TAFA4: variants seen among roughly 807,000 people sequenced by gnomAD.
TAFA4 encodes the protein chemokine-like protein TAFA-4.
TAFA4 carries 20 observed loss-of-function variants against 21.1 expected under a neutral mutation model. The observed-to-expected ratio is 0.95, with a 90% CI of 0.67 to 1.38. The LOEUF (loss-of-function observed/expected upper bound fraction) is 1.38, where lower values mean the gene tolerates loss of function less well. Ranked by LOEUF, TAFA4 falls within the 40% of genes most tolerant of loss-of-function variation. TAFA4 has a pLI of 0.00. For missense variants in TAFA4, 211 were observed against 180.9 expected (o/e 1.17, Z -0.95); for synonymous variants, 71 against 67.4 (o/e 1.05, Z -0.26).
intron 3 of TAFA4, among the ~76,000 whole-genome samples, chr3:68,757,272 G>T (rs1415742695): frequency 6.6e-6 from 1 of 151,946 alleles, no homozygotes; most frequent in Non-Finnish European, 1.5e-5. Context: ...ACAAACTCTG[G>T]TGTCTCTTCC....
At chr3:68,907,031 C>CAAAA (rs34543200) in intron 1 of TAFA4, among the ~76,000 whole-genome samples, 4 of 53,928 alleles carry the variant, frequency 7.4e-5, no homozygotes, top group African/African-American at 1.5e-4. Flanking sequence ...GAGCCCGTCT[C>CAAAA]AAAAAAAAAA....
At chr3:68,791,969 G>C (rs1703368477) in intron 3 of TAFA4, among the ~76,000 whole-genome samples, 1 of 152,098 alleles carries the variant, frequency 6.6e-6, no homozygotes. Flanking sequence ...TGTACCCTAA[G>C]GCAGAGATTT....
intron 1 of TAFA4, among the ~76,000 whole-genome samples, chr3:68,928,246 G>C (rs1278920347): frequency 6.6e-6 from 1 of 152,162 alleles, no homozygotes; most frequent in African/African-American, 2.4e-5. Context: ...CTAGTAACCA[G>C]AATGTTTCCA....
chr3:68,853,055 G>T (rs930014472), intron 3 of TAFA4, among the ~76,000 whole-genome samples: 3 of 152,012 alleles, frequency 2.0e-5, no homozygotes, highest in African/African-American at 7.2e-5. Context: ...AAATGCAAAG[G>T]TTCAATTATG....
intron 3 of TAFA4, among the ~76,000 whole-genome samples, chr3:68,856,590 T>C (rs897751788): frequency 2.0e-5 from 3 of 152,100 alleles, no homozygotes; most frequent in Non-Finnish European, 4.4e-5. Flanking sequence ...ACGTGATCTT[T>C]AAATTAGCTC....
intron 1 of TAFA4, among the ~76,000 whole-genome samples, chr3:68,921,824 G>A (rs527878629): frequency 4.6e-5 from 7 of 152,314 alleles, no homozygotes; most frequent in South Asian, 4.1e-4. Flanking sequence ...GTCAGATGAC[G>A]GAAGTTGGCA....
chr3:68,834,590 C>G (rs1489764933), intron 3 of TAFA4, among the ~76,000 whole-genome samples: 2 of 152,038 alleles, frequency 1.3e-5, no homozygotes, highest in African/African-American at 4.8e-5. Flanking sequence ...CATTTCAACC[C>G]AACATATCCC....
intron 3 of TAFA4, among the ~76,000 whole-genome samples, chr3:68,795,694 A>G (rs1484384800): frequency 6.6e-6 from 1 of 152,140 alleles, no homozygotes; most frequent in Non-Finnish European, 1.5e-5. Context: ...GAAAAACTGA[A>G]TCCTCGAGCT....
At chr3:68,779,345 T>C (rs780261875) in intron 3 of TAFA4, among the ~76,000 whole-genome samples, 9 of 152,174 alleles carry the variant, frequency 5.9e-5, no homozygotes, top group Non-Finnish European at 8.8e-5. Flanking sequence ...AAGCCAGTTA[T>C]AAAAATTTGC....
At chr3:68,740,895 A>G (rs986025502) in intron 4 of TAFA4, among the ~76,000 whole-genome samples, 1 of 152,144 alleles carries the variant, frequency 6.6e-6, no homozygotes, top group African/African-American at 2.4e-5. Flanking sequence ...CCCTTTATTG[A>G]AGAGACTATC....
At chr3:68,805,300 A>C (rs1219630352) in intron 3 of TAFA4, among the ~76,000 whole-genome samples, 3 of 152,180 alleles carry the variant, frequency 2.0e-5, no homozygotes. Flanking sequence ...AAAGTCAGGA[A>C]ACAACAGATG....
At chr3:68,914,886 A>G (rs2089990300) in intron 1 of TAFA4, among the ~76,000 whole-genome samples, 1 of 152,210 alleles carries the variant, frequency 6.6e-6, no homozygotes, top group South Asian at 2.1e-4. Flanking sequence ...GTATTTATTG[A>G]TACATGAAAG....
chr3:68,885,090 C>T, intron 2 of TAFA4, 85 bp downstream of exon 2: 1 of 1,316,738 alleles, frequency 7.6e-7, no homozygotes, highest in African/African-American at 1.5e-5. Context: ...TAAAACGGAT[C>T]ATCAACTCCA....
chr3:68,761,001 TCTGA>T (rs1702747026), intron 3 of TAFA4, among the ~76,000 whole-genome samples: 1 of 152,222 alleles, frequency 6.6e-6, no homozygotes, highest in Non-Finnish European at 1.5e-5. Flanking sequence ...AATGGAATTA[TCTGA>T]CTGTTCTCCT....
At chr3:68,896,605 G>T (rs1404429095) in intron 1 of TAFA4, among the ~76,000 whole-genome samples, 1 of 152,214 alleles carries the variant, frequency 6.6e-6, no homozygotes. Context: ...TACTGACATA[G>T]ATGGCCTCAA....
At chr3:68,857,058 T>TTTA in intron 3 of TAFA4, among the ~76,000 whole-genome samples, 1 of 152,132 alleles carries the variant, frequency 6.6e-6, no homozygotes, top group Non-Finnish European at 1.5e-5. Context: ...AAATAATAAT[T>TTTA]ACTATTAAAC....
intron 3 of TAFA4, among the ~76,000 whole-genome samples, chr3:68,767,739 T>G (rs1483282525): frequency 6.6e-6 from 1 of 151,968 alleles, no homozygotes; most frequent in Admixed American, 6.6e-5. Flanking sequence ...TTTCAAGCCA[T>G]AGTATCTTAC....
At chr3:68,931,897 C>T (rs1469692236) in intron 1 of TAFA4, among the ~76,000 whole-genome samples, 2 of 152,160 alleles carry the variant, frequency 1.3e-5, no homozygotes, top group African/African-American at 4.8e-5. Context: ...GAGTTCACCA[C>T]CCCCTATACC....
intron 1 of TAFA4, among the ~76,000 whole-genome samples, chr3:68,885,679 C>T (rs1047340163): frequency 1.3e-5 from 2 of 152,184 alleles, no homozygotes; most frequent in Non-Finnish European, 2.9e-5. Flanking sequence ...ATTCCCAAGA[C>T]ATGCAATTTG....
Sources: allele counts gnomAD v4.1 joint callset (sites outside exome capture counted in the v4.1 genomes callset), GRCh38; gene constraint gnomAD v4.1.1; transcripts MANE v1.5; gene names NCBI Gene and HGNC (gene_info 2026-07-23, HGNC 2026-07-21).